The following PLEKHM3 variants were observed in gnomAD, a reference collection of about 807,000 sequenced individuals.
The protein encoded by PLEKHM3 is pleckstrin homology domain-containing family M member 3.
A neutral mutation model predicts 81.8 loss-of-function variants in PLEKHM3; 45 were observed. That is an observed-to-expected ratio of 0.55 (90% CI 0.43 to 0.71). PLEKHM3 has a LOEUF of 0.71. Among genes scored for constraint, PLEKHM3 ranks in the 30% least tolerant of loss-of-function variants. The probability of loss-of-function intolerance (pLI) is 0.00; values close to 1 mark genes in which losing one functional copy is unlikely to be tolerated. For synonymous variants in PLEKHM3, 352 were observed against 356.4 expected (o/e 0.99, Z 0.14); for missense variants, 788 against 924.3 (o/e 0.85, Z 1.91).
At chr2:207,860,887 C>T (rs2092463781) in intron 7 of PLEKHM3, among the ~76,000 whole-genome samples, 1 of 152,150 alleles carries the variant, frequency 6.6e-6, no homozygotes. Flanking sequence ...TGTTTCTTTG[C>T]AGCTCTGTTA....
intron 4 of PLEKHM3, among the ~76,000 whole-genome samples, chr2:207,940,748 G>A (rs1212854301): frequency 1.3e-5 from 2 of 152,220 alleles, no homozygotes; most frequent in African/African-American, 2.4e-5. Flanking sequence ...GGGGAATGGT[G>A]AGGAGCAACA....
rs1221570591 is a variant in PLEKHM3 at position 207,840,799 on chromosome 2, G to GTTT, written c.2109-12306_2109-12304dup. 1.5e-3 allele frequency among the ~76,000 whole-genome samples: 165 copies of GTTT among 109,804 alleles called. 1 individual carries two copies. The highest frequency in any genetic ancestry group is 2.2e-3 in the African/African-American group (58 of 25,818). 72.0% of individuals were successfully genotyped at this position (109,804 alleles called of 152,430 possible). On this transcript the variant is annotated intron_variant, in intron 7 of 7. Transcript: ENST00000427836. ...ATTTTAAGCATTTAACACTTTTTAT[G>GTTT]TTTTTTTTTTTTTTTTTTTTTTTGA...
chr2:207,923,397 C>T (rs1025971627), intron 5 of PLEKHM3, among the ~76,000 whole-genome samples: 15 of 152,058 alleles, frequency 9.9e-5, no homozygotes, highest in Admixed American at 7.9e-4. Flanking sequence ...CACCTGAGGT[C>T]GGGAGTTCAA....
chr2:207,962,239 GTT>G (rs1304036145), intron 3 of PLEKHM3, among the ~76,000 whole-genome samples: 1 of 152,144 alleles, frequency 6.6e-6, no homozygotes, highest in Non-Finnish European at 1.5e-5. Flanking sequence ...TGGATATTAA[GTT>G]CAGTTGCATG....
intron 7 of PLEKHM3, among the ~76,000 whole-genome samples, chr2:207,837,632 C>CTTTTT (rs756408346): frequency 0.02 from 2,135 of 105,930 alleles, 254 homozygotes; most frequent in African/African-American, 0.039. Context: ...ATAGTTCTCC[C>CTTTTT]TTTTTTTTTT....
chr2:207,980,412 G>T (rs1291855750), intron 2 of PLEKHM3, among the ~76,000 whole-genome samples: 2 of 152,038 alleles, frequency 1.3e-5, no homozygotes, highest in South Asian at 4.1e-4. Flanking sequence ...TGCAGAAGAA[G>T]AAAAAATGCA....
At chr2:207,847,152 C>G (rs1486995028) in intron 7 of PLEKHM3, among the ~76,000 whole-genome samples, 1 of 152,166 alleles carries the variant, frequency 6.6e-6, no homozygotes, top group Non-Finnish European at 1.5e-5. Flanking sequence ...GGCCTCAAAA[C>G]ACAATGGTGG....
intron 4 of PLEKHM3, among the ~76,000 whole-genome samples, chr2:207,939,256 A>G (rs1209522703): frequency 6.6e-6 from 1 of 152,186 alleles, no homozygotes; most frequent in Non-Finnish European, 1.5e-5. Context: ...TCAAAGTGTC[A>G]AGTACAAGAA....
At chr2:207,953,169 T>G (rs201895297) in intron 3 of PLEKHM3, among the ~76,000 whole-genome samples, 1 of 152,188 alleles carries the variant, frequency 6.6e-6, no homozygotes, top group East Asian at 1.9e-4. Context: ...GCGGATAGTA[T>G]GGCATGCAGC....
chr2:207,837,497 G>C (rs570034709), intron 7 of PLEKHM3, among the ~76,000 whole-genome samples: 1 of 152,126 alleles, frequency 6.6e-6, no homozygotes, highest in Non-Finnish European at 1.5e-5. Flanking sequence ...CTACTTGGGA[G>C]CCTGAGGCAG....
At chr2:207,959,875 C>T (rs1045354157) in intron 3 of PLEKHM3, among the ~76,000 whole-genome samples, 8 of 152,152 alleles carry the variant, frequency 5.3e-5, no homozygotes, top group African/African-American at 1.9e-4. Flanking sequence ...TCACCCCAAC[C>T]AAATTATTTA....
At chr2:207,875,690 TGGTAGTGTG>T (rs1419075899) in intron 6 of PLEKHM3, among the ~76,000 whole-genome samples, 1 of 152,068 alleles carries the variant, frequency 6.6e-6, no homozygotes, top group Non-Finnish European at 1.5e-5. Flanking sequence ...TAGCTGGGCG[TGGTAGTGTG>T]GGTAGTGTGC....
At chr2:207,923,901 A>ATT (rs1422796438) in intron 5 of PLEKHM3, among the ~76,000 whole-genome samples, 78 of 72,514 alleles carry the variant, frequency 1.1e-3, no homozygotes, top group African/African-American at 1.9e-3. Context: ...ATATATATAT[A>ATT]TATATTTTTT....
chr2:207,984,311 T>C (rs1441768619), intron 2 of PLEKHM3, among the ~76,000 whole-genome samples: 2 of 152,270 alleles, frequency 1.3e-5, no homozygotes, highest in Non-Finnish European at 2.9e-5. Flanking sequence ...ATATATACGA[T>C]ACTTTTTTCA....
intron 6 of PLEKHM3, among the ~76,000 whole-genome samples, chr2:207,903,861 G>A (rs955386761): frequency 7.2e-5 from 11 of 152,172 alleles, no homozygotes; most frequent in African/African-American, 2.2e-4. Flanking sequence ...TGAGAGTTAC[G>A]GTACAAGTCT....
intron 3 of PLEKHM3, among the ~76,000 whole-genome samples, chr2:207,958,060 C>T (rs932885542): frequency 2.0e-5 from 3 of 152,186 alleles, no homozygotes; most frequent in African/African-American, 7.2e-5. Context: ...CCTATGACAA[C>T]AGAAAGACAG....
intron 6 of PLEKHM3, among the ~76,000 whole-genome samples, chr2:207,877,440 G>A (rs1337147730): frequency 1.3e-5 from 2 of 152,142 alleles, no homozygotes; most frequent in Non-Finnish European, 1.5e-5. Context: ...ACCATCCACC[G>A]GGGCAGAATT....
At position 207,936,731 on chromosome 2, in the gene PLEKHM3, GA is replaced by G. The variant is rs369668678; in HGVS notation, c.1693-5613del. On this transcript the variant is annotated intron_variant, in intron 4 of 7. Transcript: ENST00000427836. ...TCTACAGATAGTTTTGCTTATCAAT[GA>G]AAAAAAATTATATTCAATATTATGT... Among the ~76,000 whole-genome samples, 554 of 151,446 alleles carry G rather than the reference GA, an allele frequency of 3.7e-3. 8 individuals carry two copies. Among genetic ancestry groups the G allele is most frequent in the African/African-American group, 0.012 (510 of 41,324 alleles).
chr2:208,001,560 A>G lies in PLEKHM3; in HGVS notation c.80T>C (p.Leu27Pro). 6.2e-7 allele frequency: 1 copy of G among 1,614,174 alleles called. No individual in the cohort carries two copies. Among genetic ancestry groups the G allele is most frequent in the Non-Finnish European group, 8.5e-7 (1 of 1,180,032 alleles). Residue 27 changes from leucine (L) to proline (P), a missense_variant, in exon 2 of 8, where the codon CTA becomes CCA. Physicochemically the swap from Leu to Pro is moderately conservative, Grantham distance 98 (BLOSUM62 -3). Coordinates refer to ENST00000427836, the MANE Select transcript of PLEKHM3 (RefSeq NM_001080475.3). ...EEFFSTLDSN[L>P]EKAVQQAEVY... ...CTCTGCCTGCTGCACAGCCTTTTCT[A>G]GATTACTATCCAAAGTACTAAAGAA...
Sources: allele counts gnomAD v4.1 joint callset (sites outside exome capture counted in the v4.1 genomes callset), GRCh38; gene constraint gnomAD v4.1.1; transcripts MANE v1.5; gene names NCBI Gene and HGNC (gene_info 2026-07-23, HGNC 2026-07-21).